The following KLF7 variants were observed in gnomAD, a reference collection of about 807,000 sequenced individuals.
The protein encoded by KLF7 is Krueppel-like factor 7.
Under a neutral mutation model 27.3 loss-of-function variants are expected in KLF7, and 2 were observed. That is an observed-to-expected ratio of 0.07 (90% CI 0.03 to 0.23). The LOEUF (loss-of-function observed/expected upper bound fraction) is 0.23. Among genes scored for constraint, KLF7 ranks in the 10% least tolerant of loss-of-function variants. The pLI is 1.00. For missense variants in KLF7, 221 were observed against 394.1 expected, an observed-to-expected ratio of 0.56 and a Z score of 3.72; for synonymous variants, 165 against 162.4, an observed-to-expected ratio of 1.02 and a Z score of -0.12.
chr2:207,111,242 G>C (rs1559129510), intron 2 of KLF7, among the ~76,000 whole-genome samples: 1 of 152,140 alleles, frequency 6.6e-6, no homozygotes, highest in Non-Finnish European at 1.5e-5. Context: ...TACCCTCCTT[G>C]AACCATTGTG....
intron 1 of KLF7, among the ~76,000 whole-genome samples, chr2:207,157,929 A>T (rs1176930419): frequency 6.6e-6 from 1 of 152,130 alleles, no homozygotes; most frequent in Non-Finnish European, 1.5e-5. Context: ...TCCGTGGAAG[A>T]AGTTGATGAG....
At chr2:207,146,509 C>T (rs1045310036) in intron 1 of KLF7, among the ~76,000 whole-genome samples, 1 of 152,132 alleles carries the variant, frequency 6.6e-6, no homozygotes, top group Non-Finnish European at 1.5e-5. Flanking sequence ...TTTATGGGAT[C>T]CTCCCCTTTA....
At chr2:207,166,925 G>C (rs2078731221), upstream of KLF7, 1 of 975,464 alleles carries the variant, frequency 1.0e-6, no homozygotes, top group Non-Finnish European at 1.3e-6. Context: ...CACAGTCCCC[G>C]CCCCGCCCCG....
At chr2:207,145,195 A>G (rs3791994) in intron 1 of KLF7, among the ~76,000 whole-genome samples, 94,645 of 152,034 alleles carry the variant, frequency 0.62, 29,762 homozygotes, top group Non-Finnish European at 0.66. Flanking sequence ...TATCATTAAG[A>G]CCTTACTGGC....
intron 1 of KLF7, among the ~76,000 whole-genome samples, chr2:207,130,379 A>T (rs918592001): frequency 2.0e-5 from 3 of 152,230 alleles, no homozygotes; most frequent in African/African-American, 7.2e-5. Flanking sequence ...AATGAATCTT[A>T]GAGTCCACAG....
rs2076152526 is a variant in KLF7, at chr2:207,075,166, CATAG to C, written c.*6043_*6046del. 6.6e-6 allele frequency: 1 copy of C among 152,000 alleles called. No individual in the cohort carries two copies. The highest frequency in any genetic ancestry group is 2.4e-5 in the African/African-American group (1 of 41,374). 9.4% of individuals were successfully genotyped at this position (152,000 alleles called of 1,614,324 possible). A position where few individuals can be genotyped will look rare whatever the true frequency, so the allele number is the denominator to read the frequency against. On this transcript the variant is annotated 3_prime_UTR_variant, in exon 4 of 4. Transcript: ENST00000309446. ...AAAATGCGTCACATAACATTTTTTG[CATAG>C]ATATCTTACAATATACCAATTTAAA...
chr2:207,078,809 T>C lies in KLF7; in HGVS notation c.*2404A>G, dbSNP rs1167435161. The C allele has an allele frequency of 6.6e-6, 1 of 152,076 alleles. No homozygotes were observed. Among genetic ancestry groups the C allele is most frequent in the Non-Finnish European group, 1.5e-5 (1 of 68,008 alleles). The allele number at this position is 152,076 out of a possible 1,614,324, so 9.4% of individuals were successfully genotyped here. On this transcript the variant is annotated 3_prime_UTR_variant, in exon 4 of 4. Coordinates refer to ENST00000309446, the MANE Select transcript of KLF7 (RefSeq NM_003709.4). Reference sequence around the variant, plus strand: ...GGATGCACCACACATTCAAATATAATCCCATGGTACGCCCTGATGGACTGG... The same window carrying C: ...GGATGCACCACACATTCAAATATAACCCCATGGTACGCCCTGATGGACTGG...
chr2:207,173,435 A>G, the KLF7 span, among the ~76,000 whole-genome samples: 1 of 152,044 alleles, frequency 6.6e-6, no homozygotes, highest in Non-Finnish European at 1.5e-5. Flanking sequence ...TTTAATTAGC[A>G]TGGGTCTGAC....
chr2:207,084,998 A>G (rs1357601740), intron 3 of KLF7, among the ~76,000 whole-genome samples: 1 of 151,848 alleles, frequency 6.6e-6, no homozygotes, highest in Non-Finnish European at 1.5e-5. Flanking sequence ...CTCTGTCTTT[A>G]CTAAAACTAC....
chr2:207,156,152 T>C (rs1466411078), intron 1 of KLF7, among the ~76,000 whole-genome samples: 1 of 152,146 alleles, frequency 6.6e-6, no homozygotes, highest in Non-Finnish European at 1.5e-5. Flanking sequence ...AAAGACAGTT[T>C]ACAGATGAAA....
At chr2:207,085,237 T>C (rs1298259660) in intron 3 of KLF7, among the ~76,000 whole-genome samples, 1 of 140,322 alleles carries the variant, frequency 7.1e-6, no homozygotes, top group Non-Finnish European at 1.5e-5. Flanking sequence ...AGCAATCTCC[T>C]AGGTGACCAA....
intron 1 of KLF7, among the ~76,000 whole-genome samples, chr2:207,155,925 C>G (rs771862727): frequency 2.6e-5 from 4 of 152,186 alleles, no homozygotes; most frequent in Non-Finnish European, 5.9e-5. Context: ...AAAATAAGCA[C>G]CAATGTTATG....
intron 2 of KLF7, among the ~76,000 whole-genome samples, chr2:207,089,062 C>T (rs2076452950): frequency 6.6e-6 from 1 of 152,200 alleles, no homozygotes; most frequent in African/African-American, 2.4e-5. Context: ...CCACAAGCTG[C>T]AGCCAGGTAG....
intron 2 of KLF7, among the ~76,000 whole-genome samples, chr2:207,120,056 T>C (rs2077296316): frequency 6.6e-6 from 1 of 152,156 alleles, no homozygotes; most frequent in African/African-American, 2.4e-5. Flanking sequence ...ATTCCCTTTG[T>C]CCCATTCCTC....
At chr2:207,168,548 G>C (rs1574615854), upstream of KLF7, among the ~76,000 whole-genome samples, 3 of 152,306 alleles carry the variant, frequency 2.0e-5, no homozygotes, top group East Asian at 5.8e-4. Context: ...GGGTTCCTCA[G>C]CTTTAAGTCA....
intron 1 of KLF7, chr2:207,134,143 G>A (rs1045041207): frequency 8.8e-6 from 13 of 1,472,950 alleles, no homozygotes; most frequent in Admixed American, 2.8e-5. Flanking sequence ...AGGCTGACTC[G>A]GGCTACTGGG....
chr2:207,131,976 G>T (rs982873808), intron 1 of KLF7, among the ~76,000 whole-genome samples: 1 of 152,168 alleles, frequency 6.6e-6, no homozygotes, highest in African/African-American at 2.4e-5. Flanking sequence ...CCTCGTGGCA[G>T]AAAGGATGCA....
At chr2:207,150,103 C>G (rs1401991117) in intron 1 of KLF7, among the ~76,000 whole-genome samples, 1 of 152,170 alleles carries the variant, frequency 6.6e-6, no homozygotes, top group Non-Finnish European at 1.5e-5. Flanking sequence ...CACCCTCCCC[C>G]ACAACCACAC....
chr2:207,168,315 G>A (rs2078759050), upstream of KLF7, among the ~76,000 whole-genome samples: 1 of 152,174 alleles, frequency 6.6e-6, no homozygotes, highest in African/African-American at 2.4e-5. Flanking sequence ...TAAGCACTTC[G>A]AATGTGCCGT....
Sources: gnomAD v4.1 joint callset for allele counts (sites outside exome capture counted in the v4.1 genomes callset) on GRCh38, gnomAD v4.1.1 for gene constraint, MANE v1.5 for transcripts, NCBI Gene and HGNC (gene_info 2026-07-23, HGNC 2026-07-21) for gene names.